Variants in LARGE1 observed in about 807,000 individuals in gnomAD.
LARGE1 encodes LARGE xylosyl- and glucuronyltransferase 1, also known as xylosyl- and glucuronyltransferase LARGE1.
A neutral mutation model predicts 87.6 loss-of-function variants in LARGE1; 43 were observed. That is an observed-to-expected ratio of 0.49 (90% confidence interval 0.38 to 0.63). The LOEUF (loss-of-function observed/expected upper bound fraction) is 0.63, where lower values mean the gene tolerates loss of function less well. Among genes scored for constraint, LARGE1 ranks in the 30% least tolerant of loss-of-function variants. The probability of loss-of-function intolerance (pLI) is 0.00; values close to 1 mark genes in which losing one functional copy is unlikely to be tolerated. For missense variants in LARGE1, 802 were observed against 1,000.2 expected, an observed-to-expected ratio of 0.80 and a Z score of 2.67; for synonymous variants, 434 against 394.6, an observed-to-expected ratio of 1.10 and a Z score of -1.18.
chr22:33,693,753 G>A (rs902232254), intron 2 of LARGE1, among the ~76,000 whole-genome samples: 1 of 152,146 alleles, frequency 6.6e-6, no homozygotes, highest in Non-Finnish European at 1.5e-5. Context: ...GAACCCCGGA[G>A]GCGGAAGTTG....
At chr22:33,533,472 C>A (rs2076954308) in intron 6 of LARGE1, among the ~76,000 whole-genome samples, 1 of 152,162 alleles carries the variant, frequency 6.6e-6, no homozygotes, top group South Asian at 2.1e-4. Flanking sequence ...GATTGGCATA[C>A]AGTTCTCTTT....
intron 7 of LARGE1, among the ~76,000 whole-genome samples, chr22:33,396,003 T>C (rs190054010): frequency 1.3e-5 from 2 of 152,362 alleles, no homozygotes; most frequent in Admixed American, 6.5e-5. Context: ...TCCCTTCAGT[T>C]TGAGTCCTCA....
intron 1 of LARGE1, among the ~76,000 whole-genome samples, chr22:33,816,717 C>T (rs2086663089): frequency 6.7e-6 from 1 of 149,982 alleles, no homozygotes; most frequent in African/African-American, 2.4e-5. Flanking sequence ...GACAGACAGA[C>T]AGACAGACAG....
the LARGE1 span, among the ~76,000 whole-genome samples, chr22:33,149,277 C>A: frequency 6.6e-6 from 1 of 151,936 alleles, no homozygotes; most frequent in Admixed American, 6.6e-5. Flanking sequence ...CTCCTGACCT[C>A]GTGATCCGCC....
At chr22:33,120,358 T>TTTTCTTTCTTTCTTTCTTTCTTTCTTTC in the LARGE1 span, among the ~76,000 whole-genome samples, 1 of 118,686 alleles carries the variant, frequency 8.4e-6, no homozygotes, top group Non-Finnish European at 1.7e-5. Context: ...TTTTCTTTCT[T>TTTTCTTTCTTTCTTTCTTTCTTTCTTTC]TTTCTTTCTT....
intron 6 of LARGE1, among the ~76,000 whole-genome samples, chr22:33,481,332 GT>G (rs1004365785): frequency 2.0e-5 from 3 of 151,082 alleles, no homozygotes; most frequent in Admixed American, 6.6e-5. Context: ...GTGAAGTAGA[GT>G]TTTTTTTATG....
chr22:33,141,370 A>C, the LARGE1 span, among the ~76,000 whole-genome samples: 25 of 152,342 alleles, frequency 1.6e-4, no homozygotes, highest in African/African-American at 4.8e-4. Flanking sequence ...GAGAAGTGTT[A>C]GTGTTTGAAG....
the LARGE1 span, among the ~76,000 whole-genome samples, chr22:33,112,359 G>T: frequency 6.6e-6 from 1 of 152,206 alleles, no homozygotes; most frequent in Non-Finnish European, 1.5e-5. Flanking sequence ...ATGGAGGACA[G>T]TAATAGTATG....
At chr22:33,705,591 T>C (rs758034256) in intron 2 of LARGE1, among the ~76,000 whole-genome samples, 35 of 152,344 alleles carry the variant, frequency 2.3e-4, no homozygotes, top group African/African-American at 8.4e-4. Flanking sequence ...CAAAGCGACT[T>C]GTCCAAGGCA....
chr22:33,721,665 T>C lies in LARGE1; in HGVS notation c.106+39706A>G, dbSNP rs540308453. ...CCAAAGAATCAGAGCAGCCACACAG[T>C]AAATGCATGTGCGGCTCCTTAAAAG... is the stretch of plus-strand genomic sequence containing the variant. On this transcript the variant is annotated intron_variant, in intron 2 of 14. Coordinates refer to ENST00000397394, the MANE Select transcript of LARGE1 (RefSeq NM_133642.5). 2.6e-5 allele frequency among the ~76,000 whole-genome samples: 4 copies of C among 152,284 alleles called. No individual in the cohort carries two copies. In the East Asian group the frequency reaches 7.7e-4, roughly 29 times the overall value.
At chr22:33,782,910 G>A (rs2085471841) in intron 1 of LARGE1, among the ~76,000 whole-genome samples, 1 of 148,106 alleles carries the variant, frequency 6.8e-6, no homozygotes, top group African/African-American at 2.5e-5. Context: ...GAGAGAGAGA[G>A]AGGGAGTGTT....
At chr22:33,848,316 G>T (rs550064668) in intron 1 of LARGE1, among the ~76,000 whole-genome samples, 24 of 152,318 alleles carry the variant, frequency 1.6e-4, no homozygotes, top group South Asian at 4.1e-4. Flanking sequence ...AAAGGACTCA[G>T]TGTGTGAGAA....
At chr22:33,767,730 A>G (rs1481940054) in intron 1 of LARGE1, among the ~76,000 whole-genome samples, 1 of 152,148 alleles carries the variant, frequency 6.6e-6, no homozygotes, top group African/African-American at 2.4e-5. Context: ...CTGCACATGA[A>G]GAAGGAATAA....
At chr22:33,298,678 A>G (rs1292384782) in intron 12 of LARGE1, among the ~76,000 whole-genome samples, 9 of 152,118 alleles carry the variant, frequency 5.9e-5, no homozygotes, top group Non-Finnish European at 1.3e-4. Flanking sequence ...AGGAAATTAA[A>G]AAATTAGCTG....
At chr22:33,648,362 T>C (rs2080684081) in intron 3 of LARGE1, among the ~76,000 whole-genome samples, 1 of 152,180 alleles carries the variant, frequency 6.6e-6, no homozygotes, top group African/African-American at 2.4e-5. Flanking sequence ...TCTTTTCCCC[T>C]TTTCCTTTTT....
the LARGE1 span, among the ~76,000 whole-genome samples, chr22:33,131,243 A>G: frequency 6.6e-6 from 1 of 152,100 alleles, no homozygotes; most frequent in East Asian, 1.9e-4. Context: ...GGAACCGTGT[A>G]AAACCTACAA....
At chr22:33,250,260 G>C (rs1041709213) in intron 11 of LARGE1, among the ~76,000 whole-genome samples, 1 of 152,042 alleles carries the variant, frequency 6.6e-6, no homozygotes, top group Admixed American at 6.6e-5. Context: ...TTTTACCTAA[G>C]TATTTCATTT....
intron 1 of LARGE1, among the ~76,000 whole-genome samples, chr22:33,839,988 C>T (rs2146403583): frequency 6.6e-6 from 1 of 152,248 alleles, no homozygotes; most frequent in East Asian, 1.9e-4. Flanking sequence ...TAAAACCCTG[C>T]TGATCCCATT....
rs573564953 is a variant in LARGE1 at position 33,527,027 on chromosome 22, C to T, written c.787+37821G>A. Among the ~76,000 whole-genome samples the T allele has an allele frequency of 2.6e-5, 4 of 152,264 alleles. No individual in the cohort carries two copies. The South Asian group carries it at 6.2e-4, about 24-fold the overall frequency. On this transcript the variant is annotated intron_variant, in intron 6 of 14. Transcript: ENST00000397394. Reference sequence around the variant, plus strand: ...ATCGCAGCACTTTGAGAGGCCGAGGCGGGTGGATCACCTGAGGTCAGGAGT... The same window carrying T: ...ATCGCAGCACTTTGAGAGGCCGAGGTGGGTGGATCACCTGAGGTCAGGAGT...
Sources: gnomAD v4.1 joint callset for allele counts (sites outside exome capture counted in the v4.1 genomes callset) on GRCh38, gnomAD v4.1.1 for gene constraint, MANE v1.5 for transcripts, NCBI Gene and HGNC (gene_info 2026-07-23, HGNC 2026-07-21) for gene names.